Variants in ADK observed in about 807,000 individuals in gnomAD.
ADK encodes the protein N6,N6-dimethyladenosine kinase.
In ADK, 24 loss-of-function variants were observed where a neutral mutation model predicts 44.7. The observed-to-expected ratio is 0.54, with a 90% confidence interval of 0.39 to 0.76. ADK has a LOEUF of 0.76. Ranked by LOEUF, ADK falls within the 30% of genes least tolerant of loss-of-function variation. The pLI, the probability that ADK is intolerant of heterozygous loss-of-function variation, is 0.00. For missense variants in ADK, 321 were observed against 425.1 expected, an observed-to-expected ratio of 0.76 and a Z score of 2.15; for synonymous variants, 128 against 142.6, an observed-to-expected ratio of 0.90 and a Z score of 0.73.
chr10:74,559,269 C>T (rs1850372865), intron 7 of ADK, among the ~76,000 whole-genome samples: 2 of 152,236 alleles, frequency 1.3e-5, no homozygotes, highest in South Asian at 2.1e-4. Context: ...GGGGACCAGG[C>T]GGAGCCAGCA....
At chr10:74,522,502 G>A (rs765273884) in intron 6 of ADK, among the ~76,000 whole-genome samples, 9 of 152,188 alleles carry the variant, frequency 5.9e-5, no homozygotes, top group East Asian at 1.9e-4. Context: ...CTCTCTTAAC[G>A]TCTCAGAATA....
chr10:74,321,848 C>T (rs1216505366), intron 4 of ADK, among the ~76,000 whole-genome samples: 1 of 151,834 alleles, frequency 6.6e-6, no homozygotes, highest in African/African-American at 2.4e-5. Context: ...TAAAGCTTTC[C>T]AAAATTCTAT....
At chr10:74,215,871 T>C (rs1425241377) in intron 2 of ADK, among the ~76,000 whole-genome samples, 2 of 151,246 alleles carry the variant, frequency 1.3e-5, no homozygotes, top group Admixed American at 6.6e-5. Flanking sequence ...TTAACCAGGA[T>C]GGTCTCGATC....
chr10:74,561,391 A>G (rs1311413383), intron 7 of ADK, among the ~76,000 whole-genome samples: 1 of 152,210 alleles, frequency 6.6e-6, no homozygotes, highest in Non-Finnish European at 1.5e-5. Context: ...AGGGAAGGAA[A>G]GACACAATGA....
intron 9 of ADK, among the ~76,000 whole-genome samples, chr10:74,636,577 T>TA (rs1853627999): frequency 6.6e-6 from 1 of 152,244 alleles, no homozygotes; most frequent in South Asian, 2.1e-4. Context: ...ATTGAGAGCC[T>TA]ACTATGTTCT....
chr10:74,500,477 G>C (rs1330658899), intron 6 of ADK, among the ~76,000 whole-genome samples: 1 of 152,154 alleles, frequency 6.6e-6, no homozygotes, highest in Non-Finnish European at 1.5e-5. Context: ...ACCCACACAG[G>C]TTTCTGATTC....
At chr10:74,272,514 A>AT (rs1396828647) in intron 3 of ADK, among the ~76,000 whole-genome samples, 4 of 152,172 alleles carry the variant, frequency 2.6e-5, no homozygotes, top group African/African-American at 7.2e-5. Flanking sequence ...GATGCAAGCA[A>AT]TCCTCCTGCC....
At chr10:74,297,737 A>T (rs953439837) in intron 3 of ADK, among the ~76,000 whole-genome samples, 70 of 152,228 alleles carry the variant, frequency 4.6e-4, no homozygotes. Context: ...CATGAATGTT[A>T]TATGAAATTT....
intron 6 of ADK, among the ~76,000 whole-genome samples, chr10:74,400,389 G>T (rs1468031268): frequency 6.6e-6 from 1 of 152,064 alleles, no homozygotes; most frequent in Non-Finnish European, 1.5e-5. Context: ...TACCTGGGAC[G>T]CTGTATATTC....
chr10:74,163,954 T>C (rs1031293515), intron 1 of ADK, among the ~76,000 whole-genome samples: 15 of 152,210 alleles, frequency 9.9e-5, no homozygotes, highest in Non-Finnish European at 2.1e-4. Flanking sequence ...TCATTTTTAG[T>C]TCTTAGTTTT....
At chr10:74,160,037 G>T (rs1841848116) in intron 1 of ADK, among the ~76,000 whole-genome samples, 1 of 152,188 alleles carries the variant, frequency 6.6e-6, no homozygotes, top group Non-Finnish European at 1.5e-5. Context: ...TGAGTCCAAA[G>T]GAAGAGAGTT....
intron 9 of ADK, among the ~76,000 whole-genome samples, chr10:74,626,566 G>A (rs1398585886): frequency 6.6e-6 from 1 of 152,130 alleles, no homozygotes; most frequent in African/African-American, 2.4e-5. Flanking sequence ...GCCTCCCAAA[G>A]TGCTGGGATT....
intron 9 of ADK, among the ~76,000 whole-genome samples, chr10:74,609,384 TCTC>T (rs1389066583): frequency 6.6e-6 from 1 of 151,990 alleles, no homozygotes; most frequent in Non-Finnish European, 1.5e-5. Context: ...CCCGAAGAAA[TCTC>T]CTGGTCTGCG....
chr10:74,585,301 A>G (rs1055466089), intron 7 of ADK, among the ~76,000 whole-genome samples: 1 of 152,206 alleles, frequency 6.6e-6, no homozygotes, highest in Non-Finnish European at 1.5e-5. Context: ...ACAACACTCA[A>G]TTCCAGGAAG....
intron 4 of ADK, among the ~76,000 whole-genome samples, chr10:74,318,826 C>G (rs1459246520): frequency 6.6e-6 from 1 of 152,190 alleles, no homozygotes; most frequent in African/African-American, 2.4e-5. Context: ...GAACTATAAA[C>G]TAATTCCTAT....
intron 6 of ADK, among the ~76,000 whole-genome samples, chr10:74,430,023 A>G (rs1844928815): frequency 6.6e-6 from 1 of 152,180 alleles, no homozygotes; most frequent in Admixed American, 6.5e-5. Context: ...GATTGGTACT[A>G]TTATTACCTC....
chr10:74,489,670 A>G (rs1847401665), intron 6 of ADK, among the ~76,000 whole-genome samples: 1 of 151,254 alleles, frequency 6.6e-6, no homozygotes, highest in Non-Finnish European at 1.5e-5. Flanking sequence ...ACAAAGCAGG[A>G]TGTCATAATT....
intron 6 of ADK, among the ~76,000 whole-genome samples, chr10:74,478,810 G>T (rs1451430659): frequency 2.6e-5 from 4 of 152,116 alleles, no homozygotes; most frequent in Admixed American, 6.5e-5. Flanking sequence ...TCATGATTCT[G>T]CCCCATTCTC....
chr10:74,406,785 A>G (rs1041938305), intron 6 of ADK, among the ~76,000 whole-genome samples: 1 of 151,736 alleles, frequency 6.6e-6, no homozygotes, highest in African/African-American at 2.4e-5. Flanking sequence ...GGTTCAAGTG[A>G]TTCTCCTGCC....
Sources: gnomAD v4.1 joint callset for allele counts (sites outside exome capture counted in the v4.1 genomes callset) on GRCh38, gnomAD v4.1.1 for gene constraint, MANE v1.5 for transcripts, NCBI Gene and HGNC (gene_info 2026-07-23, HGNC 2026-07-21) for gene names.